TTC39C: variants seen among roughly 807,000 people sequenced by gnomAD.
TTC39C encodes tetratricopeptide repeat domain 39C, also known as tetratricopeptide repeat protein 39C.
Under a neutral mutation model 76.3 loss-of-function variants are expected in TTC39C, and 33 were observed. The observed-to-expected ratio is 0.43, with a 90% CI of 0.33 to 0.58. The LOEUF is 0.58. Ranked by LOEUF, TTC39C falls within the 20% of genes least tolerant of loss-of-function variation. TTC39C has a pLI of 0.04. For missense variants in TTC39C, 595 were observed against 701.4 expected (o/e 0.85, Z 1.71); for synonymous variants, 254 against 260.6 (o/e 0.97, Z 0.24).
intron 6 of TTC39C, among the ~76,000 whole-genome samples, chr18:24,112,003 A>G (rs2084820993): frequency 6.6e-6 from 1 of 152,180 alleles, no homozygotes; most frequent in East Asian, 1.9e-4. Context: ...CTCAATGATC[A>G]GGATAGAACT....
chr18:24,116,466 G>T (rs1393826957), intron 7 of TTC39C, among the ~76,000 whole-genome samples: 1 of 152,140 alleles, frequency 6.6e-6, no homozygotes, highest in Non-Finnish European at 1.5e-5. Context: ...AGAGTGGCTT[G>T]AACTCAGGAG....
chr18:24,090,383 T>C (rs1030760501), intron 6 of TTC39C, among the ~76,000 whole-genome samples: 16 of 152,224 alleles, frequency 1.1e-4, no homozygotes, highest in African/African-American at 3.1e-4. Flanking sequence ...GTATCTACTC[T>C]ACCCCATAGT....
chr18:24,015,104 G>T, intron 1 of TTC39C, 66 bp downstream of exon 1: 2 of 1,339,440 alleles, frequency 1.5e-6, no homozygotes, highest in Admixed American at 3.7e-5. Context: ...CACGCGCCTC[G>T]ACCTGCGGCC....
intron 6 of TTC39C, among the ~76,000 whole-genome samples, chr18:24,088,613 C>G (rs1319746080): frequency 6.6e-6 from 1 of 152,208 alleles, no homozygotes; most frequent in Non-Finnish European, 1.5e-5. Context: ...GAGACACAGC[C>G]CTCTCTGCCC....
intron 6 of TTC39C, among the ~76,000 whole-genome samples, chr18:24,084,955 G>T (rs2084422624): frequency 6.6e-6 from 1 of 152,204 alleles, no homozygotes; most frequent in Non-Finnish European, 1.5e-5. Context: ...GTGAGCCACT[G>T]TGCCTGGCCT....
chr18:24,033,029 G>C (rs1162092330), intron 1 of TTC39C, among the ~76,000 whole-genome samples: 1 of 152,212 alleles, frequency 6.6e-6, no homozygotes, highest in Non-Finnish European at 1.5e-5. Flanking sequence ...AAGTCGAGTG[G>C]ATCACTTGAG....
At chr18:24,084,386 G>C (rs2084415658) in intron 6 of TTC39C, among the ~76,000 whole-genome samples, 2 of 152,102 alleles carry the variant, frequency 1.3e-5, no homozygotes, top group African/African-American at 4.8e-5. Flanking sequence ...TTGGGAGGCT[G>C]AGACACGAGA....
intron 1 of TTC39C, among the ~76,000 whole-genome samples, chr18:24,052,260 G>A (rs2083960039): frequency 1.3e-5 from 2 of 152,138 alleles, no homozygotes; most frequent in African/African-American, 4.8e-5. Flanking sequence ...TATTAGAAGG[G>A]CTGTTCGGAC....
chr18:24,125,471 GT>G lies in TTC39C; in HGVS notation c.1343del (p.Leu448TrpfsTer24). 1 of 1,614,174 alleles carries G rather than the reference GT, an allele frequency of 6.2e-7. No homozygotes were observed. The highest frequency in any genetic ancestry group is 8.5e-7 in the Non-Finnish European group (1 of 1,180,046). Reference sequence around the variant, plus strand: ...AAACCCCAACCAAAGCGCTCTGTGTGTTGGCGTCTATTGAAGTGTTGTACTT... The same window carrying G: ...AAACCCCAACCAAAGCGCTCTGTGTGTGGCGTCTATTGAAGTGTTGTACTT... ...KQTPTKALCV[L>X]ASIEVLYLWK... On this transcript the variant is annotated frameshift_variant, in exon 10 of 14. Coordinates refer to ENST00000317571, the MANE Select transcript of TTC39C (RefSeq NM_001135993.2). LOFTEE classifies it high-confidence loss of function.
At chr18:24,012,351 G>GT (rs1204066247), upstream of TTC39C, among the ~76,000 whole-genome samples, 3 of 152,024 alleles carry the variant, frequency 2.0e-5, no homozygotes, top group Non-Finnish European at 4.4e-5. Context: ...GTGCTGGGCG[G>GT]TTGCAGTGGT....
upstream of TTC39C, chr18:24,014,397 G>A (rs114030412): frequency 0.012 from 1,870 of 153,104 alleles, 37 homozygotes; most frequent in African/African-American, 0.043. Flanking sequence ...CTTCGGGGGA[G>A]GGTGGGGCGC....
intron 4 of TTC39C, among the ~76,000 whole-genome samples, chr18:24,079,402 C>T (rs545720739): frequency 6.6e-6 from 1 of 151,614 alleles, no homozygotes; most frequent in South Asian, 2.1e-4. Flanking sequence ...TGTCTTACCT[C>T]TTATACTTCA....
At chr18:24,034,491 C>T (rs1200691733) in intron 1 of TTC39C, among the ~76,000 whole-genome samples, 1 of 152,142 alleles carries the variant, frequency 6.6e-6, no homozygotes, top group Non-Finnish European at 1.5e-5. Flanking sequence ...GTAAAATATA[C>T]ATGAGGTAAT....
At chr18:24,043,235 G>A (rs2083819838) in intron 1 of TTC39C, among the ~76,000 whole-genome samples, 1 of 152,174 alleles carries the variant, frequency 6.6e-6, no homozygotes, top group African/African-American at 2.4e-5. Context: ...GTGGGTATGT[G>A]TCTGTAGTCC....
intron 1 of TTC39C, among the ~76,000 whole-genome samples, chr18:23,996,921 AAC>A (rs2083265987): frequency 6.6e-6 from 1 of 151,768 alleles, no homozygotes; most frequent in Non-Finnish European, 1.5e-5. Context: ...TATCCTGGCT[AAC>A]ATAGTGAAAC....
At chr18:24,049,438 A>T (rs1488000739) in intron 1 of TTC39C, among the ~76,000 whole-genome samples, 1 of 152,180 alleles carries the variant, frequency 6.6e-6, no homozygotes, top group East Asian at 1.9e-4. Flanking sequence ...TTTTCTGTTC[A>T]TTTGCTTCTC....
At chr18:24,037,863 G>A (rs531687728) in intron 1 of TTC39C, among the ~76,000 whole-genome samples, 4 of 152,258 alleles carry the variant, frequency 2.6e-5, no homozygotes, top group East Asian at 1.9e-4. Flanking sequence ...GACTGTGAAC[G>A]GCAGGTACCA....
intron 8 of TTC39C, among the ~76,000 whole-genome samples, chr18:24,123,392 T>G (rs201574071): frequency 0.084 from 9,887 of 117,394 alleles, 482 homozygotes; most frequent in East Asian, 0.21. Context: ...TTTTTTTGTT[T>G]GTTTGTTTGT....
intron 1 of TTC39C, among the ~76,000 whole-genome samples, chr18:24,023,973 T>C (rs1376268956): frequency 5.8e-5 from 1 of 17,150 alleles, no homozygotes; most frequent in African/African-American, 1.7e-4. Flanking sequence ...TATATATATA[T>C]ATATATACAT....
Sources: gnomAD v4.1 joint callset for allele counts (sites outside exome capture counted in the v4.1 genomes callset) on GRCh38, gnomAD v4.1.1 for gene constraint, MANE v1.5 for transcripts, NCBI Gene and HGNC (gene_info 2026-07-23, HGNC 2026-07-21) for gene names.